ADAM23: variants seen among roughly 807,000 people sequenced by gnomAD.
ADAM23 encodes disintegrin and metalloproteinase domain-containing protein 23.
In ADAM23, 33 loss-of-function variants were observed where a neutral mutation model predicts 120.1. The ratio of observed to expected loss-of-function variants is 0.27; its 90% CI spans 0.21 to 0.37. The LOEUF is 0.37. Among genes scored for constraint, ADAM23 ranks in the 10% least tolerant of loss-of-function variants. The pLI is 1.00. For missense variants in ADAM23, 862 were observed against 1,058.2 expected, an observed-to-expected ratio of 0.81 and a Z score of 2.57; for synonymous variants, 367 against 375.2, an observed-to-expected ratio of 0.98 and a Z score of 0.25.
chr2:206,465,026 C>G (rs1435838519), intron 2 of ADAM23, among the ~76,000 whole-genome samples: 1 of 151,836 alleles, frequency 6.6e-6, no homozygotes, highest in Non-Finnish European at 1.5e-5. Context: ...TTTTTTCTGC[C>G]CTAAGTACTA....
intron 11 of ADAM23, among the ~76,000 whole-genome samples, chr2:206,560,489 G>A (rs1033388329): frequency 2.0e-5 from 3 of 152,146 alleles, no homozygotes; most frequent in Non-Finnish European, 4.4e-5. Context: ...GCTTGCACAT[G>A]TATGTTTCAT....
chr2:206,574,835 A>C (rs914628418), intron 18 of ADAM23, among the ~76,000 whole-genome samples: 6 of 152,126 alleles, frequency 3.9e-5, no homozygotes, highest in African/African-American at 1.4e-4. Flanking sequence ...CATAATGTTT[A>C]TGTTTTTAAT....
intron 3 of ADAM23, among the ~76,000 whole-genome samples, chr2:206,508,677 GAAAA>G (rs1696555479): frequency 6.8e-6 from 1 of 147,820 alleles, no homozygotes; most frequent in African/African-American, 2.5e-5. Context: ...AAAAAAGAAA[GAAAA>G]AGAAGAAAGA....
chr2:206,557,926 AT>A (rs1214041402), intron 10 of ADAM23, among the ~76,000 whole-genome samples: 1 of 152,174 alleles, frequency 6.6e-6, no homozygotes, highest in Non-Finnish European at 1.5e-5. Flanking sequence ...ACCAAAAAAA[AT>A]TTTTTTAAGG....
chr2:206,477,897 A>AAAAAATATAT (rs374524658), intron 2 of ADAM23, among the ~76,000 whole-genome samples: 1 of 93,604 alleles, frequency 1.1e-5, no homozygotes, highest in East Asian at 2.6e-4. Context: ...AAAAAAAAAA[A>AAAAAATATAT]ATATATATAT....
chr2:206,450,365 A>G (rs913217689), intron 2 of ADAM23, among the ~76,000 whole-genome samples: 8 of 152,208 alleles, frequency 5.3e-5, no homozygotes, highest in African/African-American at 1.9e-4. Context: ...AGTCATTACA[A>G]AATTGTAATA....
At chr2:206,456,000 G>A (rs144414214) in intron 2 of ADAM23, among the ~76,000 whole-genome samples, 15 of 152,172 alleles carry the variant, frequency 9.9e-5, no homozygotes, top group African/African-American at 1.7e-4. Flanking sequence ...TTCCAAAGGC[G>A]CTTCCACATT....
intron 9 of ADAM23, among the ~76,000 whole-genome samples, chr2:206,552,055 T>C (rs1697538634): frequency 6.6e-6 from 1 of 152,198 alleles, no homozygotes; most frequent in South Asian, 2.1e-4. Flanking sequence ...TTTTGTTGAT[T>C]GGAACATTGA....
chr2:206,522,932 T>C (rs1287157099), intron 3 of ADAM23, among the ~76,000 whole-genome samples: 2 of 152,042 alleles, frequency 1.3e-5, no homozygotes, highest in African/African-American at 4.8e-5. Context: ...CAACTAGAAA[T>C]GTGTTATCCA....
At chr2:206,487,193 G>A (rs1040022149) in intron 3 of ADAM23, among the ~76,000 whole-genome samples, 13 of 152,158 alleles carry the variant, frequency 8.5e-5, no homozygotes, top group Non-Finnish European at 1.8e-4. Flanking sequence ...CAGTCACTGC[G>A]CTGAGATGTT....
At chr2:206,613,415 G>A (rs558033592) in intron 25 of ADAM23, among the ~76,000 whole-genome samples, 162 of 152,250 alleles carry the variant, frequency 1.1e-3, no homozygotes, top group African/African-American at 1.6e-3. Context: ...ATGATTAGTC[G>A]TAGAGTCCCA....
intron 3 of ADAM23, among the ~76,000 whole-genome samples, chr2:206,500,966 A>G (rs1440440266): frequency 6.6e-6 from 1 of 151,900 alleles, no homozygotes; most frequent in East Asian, 1.9e-4. Flanking sequence ...TCAATATATC[A>G]AAGAAGGCTA....
chr2:206,474,856 T>G (rs1695743452), intron 2 of ADAM23, among the ~76,000 whole-genome samples: 1 of 152,208 alleles, frequency 6.6e-6, no homozygotes. Context: ...ATTACAGGCA[T>G]GAGCCACTGC....
At chr2:206,560,505 A>G (rs1446790408) in intron 11 of ADAM23, among the ~76,000 whole-genome samples, 2 of 152,176 alleles carry the variant, frequency 1.3e-5, no homozygotes, top group Admixed American at 6.5e-5. Flanking sequence ...TTCATGAACA[A>G]ATCATTTGCT....
intron 15 of ADAM23, among the ~76,000 whole-genome samples, chr2:206,568,914 C>G (rs955079671): frequency 1.3e-5 from 2 of 152,056 alleles, no homozygotes; most frequent in Non-Finnish European, 2.9e-5. Context: ...GGCTTGATGC[C>G]TGACATCTGT....
At chr2:206,507,609 A>AT (rs1490117719) in intron 3 of ADAM23, among the ~76,000 whole-genome samples, 6 of 152,228 alleles carry the variant, frequency 3.9e-5, no homozygotes, top group Non-Finnish European at 7.3e-5. Flanking sequence ...GTATTTCTTT[A>AT]TAGCAATGCG....
chr2:206,557,813 A>G (rs1697676815), intron 10 of ADAM23, among the ~76,000 whole-genome samples: 1 of 152,236 alleles, frequency 6.6e-6, no homozygotes, highest in Non-Finnish European at 1.5e-5. Flanking sequence ...ATACTGGCAA[A>G]TGAGACTTTT....
At chr2:206,488,101 A>T (rs1020895050) in intron 3 of ADAM23, among the ~76,000 whole-genome samples, 2 of 152,268 alleles carry the variant, frequency 1.3e-5, no homozygotes. Context: ...TTTGGAAAGA[A>T]GCAGACAGCT....
At chr2:206,573,805 A>T (rs928119412) in intron 18 of ADAM23, among the ~76,000 whole-genome samples, 3 of 151,798 alleles carry the variant, frequency 2.0e-5, no homozygotes, top group Non-Finnish European at 4.4e-5. Context: ...TTACTGTAGG[A>T]TGTATTTTAC....
Sources: gnomAD v4.1 joint callset for allele counts (sites outside exome capture counted in the v4.1 genomes callset) on GRCh38, gnomAD v4.1.1 for gene constraint, MANE v1.5 for transcripts, NCBI Gene and HGNC (gene_info 2026-07-23, HGNC 2026-07-21) for gene names.